BTBD9: variants seen among roughly 807,000 people sequenced by gnomAD.
BTBD9 encodes BTB/POZ domain-containing protein 9.
BTBD9 carries 49 observed loss-of-function variants against 64.3 expected under a neutral mutation model. That is an observed-to-expected ratio of 0.76 (90% CI 0.61 to 0.97). BTBD9 has a LOEUF of 0.97. Ranked by LOEUF, BTBD9 falls within the 50% of genes least tolerant of loss-of-function variation. The probability of loss-of-function intolerance (pLI) is 0.00; values close to 1 mark genes in which losing one functional copy is unlikely to be tolerated. For synonymous variants in BTBD9, 260 were observed against 274.7 expected, an observed-to-expected ratio of 0.95 and a Z score of 0.53; for missense variants, 598 against 762.1, an observed-to-expected ratio of 0.78 and a Z score of 2.53.
chr6:38,551,764 G>T (rs184161897), intron 6 of BTBD9, among the ~76,000 whole-genome samples: 3 of 152,128 alleles, frequency 2.0e-5, no homozygotes, highest in African/African-American at 7.2e-5. Flanking sequence ...GTTTTACACC[G>T]GCAAACAATA....
At chr6:38,619,149 C>A (rs955261795) in intron 1 of BTBD9, among the ~76,000 whole-genome samples, 1 of 152,196 alleles carries the variant, frequency 6.6e-6, no homozygotes, top group Non-Finnish European at 1.5e-5. Context: ...TGTCACCTGA[C>A]TCCCTCAAGG....
chr6:38,570,149 T>C (rs1471085974), intron 6 of BTBD9, among the ~76,000 whole-genome samples: 1 of 152,178 alleles, frequency 6.6e-6, no homozygotes, highest in Non-Finnish European at 1.5e-5. Flanking sequence ...TCATCATCAT[T>C]ATTAGTATAA....
chr6:38,303,612 G>C (rs1341936827), intron 7 of BTBD9, among the ~76,000 whole-genome samples: 1 of 151,538 alleles, frequency 6.6e-6, no homozygotes, highest in Non-Finnish European at 1.5e-5. Flanking sequence ...ATGCCTTACT[G>C]CTTCACAATT....
At chr6:38,580,628 G>C (rs1776242326) in intron 4 of BTBD9, among the ~76,000 whole-genome samples, 191 bp from the exon 5 acceptor site, 2 of 152,208 alleles carry the variant, frequency 1.3e-5, no homozygotes, top group Non-Finnish European at 1.5e-5. Flanking sequence ...GGGTGCAGTG[G>C]CTCATGCCTG....
intron 6 of BTBD9, among the ~76,000 whole-genome samples, chr6:38,406,520 T>A (rs1232889596): frequency 6.6e-6 from 1 of 152,198 alleles, no homozygotes; most frequent in Non-Finnish European, 1.5e-5. Flanking sequence ...GGAGTTGGCA[T>A]TCCCAATTCC....
At chr6:38,538,418 T>A (rs1207923457) in intron 6 of BTBD9, among the ~76,000 whole-genome samples, 1 of 152,108 alleles carries the variant, frequency 6.6e-6, no homozygotes, top group East Asian at 1.9e-4. Flanking sequence ...GATAAAGTAT[T>A]CATTGTGATT....
chr6:38,208,947 C>T (rs1762744122), intron 9 of BTBD9, among the ~76,000 whole-genome samples: 1 of 152,194 alleles, frequency 6.6e-6, no homozygotes, highest in Admixed American at 6.5e-5. Context: ...CGCTGACTAG[C>T]CAAAGGCTCA....
chr6:38,497,938 G>A (rs1315473924), intron 6 of BTBD9, among the ~76,000 whole-genome samples: 1 of 152,206 alleles, frequency 6.6e-6, no homozygotes, highest in Non-Finnish European at 1.5e-5. Context: ...ATAGAAAGAG[G>A]TATTTAATAA....
intron 6 of BTBD9, among the ~76,000 whole-genome samples, chr6:38,393,072 C>T (rs190519520): frequency 0.016 from 2,416 of 152,142 alleles, 19 homozygotes; most frequent in Middle Eastern, 0.072. Flanking sequence ...GACAGGGTTT[C>T]GCCATGTTGG....
intron 7 of BTBD9, among the ~76,000 whole-genome samples, chr6:38,305,508 A>C (rs1303051008): frequency 1.3e-5 from 2 of 152,202 alleles, no homozygotes; most frequent in Non-Finnish European, 2.9e-5. Flanking sequence ...TTTGAGATAC[A>C]GTCTCACTCT....
At chr6:38,600,559 AATATTTCAATG>A (rs1366499460) in intron 1 of BTBD9, among the ~76,000 whole-genome samples, 1 of 152,144 alleles carries the variant, frequency 6.6e-6, no homozygotes, top group African/African-American at 2.4e-5. Flanking sequence ...ATCACTCTCC[AATATTTCAATG>A]ATCGTGCATG....
At chr6:38,619,392 A>C (rs563432630) in intron 1 of BTBD9, among the ~76,000 whole-genome samples, 210 of 152,350 alleles carry the variant, frequency 1.4e-3, no homozygotes, top group African/African-American at 4.7e-3. Context: ...GGTGGTTCAG[A>C]GAAAACAGAA....
chr6:38,325,806 C>G (rs1338040771), intron 7 of BTBD9, among the ~76,000 whole-genome samples: 1 of 152,200 alleles, frequency 6.6e-6, no homozygotes, highest in East Asian at 1.9e-4. Context: ...AGTAAATCAG[C>G]AGCAGAGTGG....
chr6:38,231,660 T>C (rs1763608758), intron 9 of BTBD9, among the ~76,000 whole-genome samples: 1 of 152,184 alleles, frequency 6.6e-6, no homozygotes, highest in Non-Finnish European at 1.5e-5. Flanking sequence ...TAAAAGAGGC[T>C]AGAATGGCCC....
intron 6 of BTBD9, among the ~76,000 whole-genome samples, chr6:38,430,701 G>C (rs1055092442): frequency 7.2e-5 from 11 of 151,802 alleles, no homozygotes; most frequent in Middle Eastern, 3.4e-3. Context: ...TTGTTGTAGA[G>C]ACAGGGTCTC....
chr6:38,238,712 A>T (rs976947508), intron 9 of BTBD9, among the ~76,000 whole-genome samples: 1 of 151,934 alleles, frequency 6.6e-6, no homozygotes, highest in Admixed American at 6.6e-5. Context: ...TGACCTGTTG[A>T]TCCGCCCACC....
intron 6 of BTBD9, among the ~76,000 whole-genome samples, chr6:38,518,548 A>G (rs1773142326): frequency 6.6e-6 from 1 of 152,216 alleles, no homozygotes; most frequent in Non-Finnish European, 1.5e-5. Flanking sequence ...TGTGATCATG[A>G]AAGGATCCAG....
chr6:38,578,479 T>C (rs762521667), intron 5 of BTBD9, among the ~76,000 whole-genome samples: 2 of 152,170 alleles, frequency 1.3e-5, no homozygotes, highest in African/African-American at 2.4e-5. Context: ...TTATTACTTG[T>C]ACTGTAATAT....
chr6:38,326,415 T>C (rs933302338), intron 7 of BTBD9, among the ~76,000 whole-genome samples: 1 of 152,088 alleles, frequency 6.6e-6, no homozygotes, highest in Non-Finnish European at 1.5e-5. Context: ...CTCTGAGTGA[T>C]TTCGCGTAAG....
Sources: allele counts gnomAD v4.1 joint callset (sites outside exome capture counted in the v4.1 genomes callset), GRCh38; gene constraint gnomAD v4.1.1; transcripts MANE v1.5; gene names NCBI Gene and HGNC (gene_info 2026-07-23, HGNC 2026-07-21).